The following SGCZ variants were observed in gnomAD, a reference collection of about 807,000 sequenced individuals.
SGCZ encodes sarcoglycan zeta, also known as zeta-sarcoglycan.
Under a neutral mutation model 41.3 loss-of-function variants are expected in SGCZ, and 40 were observed. The ratio of observed to expected loss-of-function variants is 0.97; its 90% CI spans 0.75 to 1.26. The LOEUF (loss-of-function observed/expected upper bound fraction) is 1.26, where lower values mean the gene tolerates loss of function less well. SGCZ is among the 50% of genes most tolerant of loss of function. The pLI, the probability that SGCZ is intolerant of heterozygous loss-of-function variation, is 0.00. For synonymous variants in SGCZ, 206 were observed against 137.5 expected, an observed-to-expected ratio of 1.50 and a Z score of -3.49; for missense variants, 552 against 369.8, an observed-to-expected ratio of 1.49 and a Z score of -4.04.
intron 1 of SGCZ, among the ~76,000 whole-genome samples, chr8:15,138,613 G>C (rs1219401495): frequency 6.6e-6 from 1 of 152,118 alleles, no homozygotes; most frequent in Non-Finnish European, 1.5e-5. Context: ...ATAAGTGTCT[G>C]GCATTTCCCT....
chr8:14,693,808 C>A (rs562708975), intron 1 of SGCZ, among the ~76,000 whole-genome samples: 30 of 151,654 alleles, frequency 2.0e-4, no homozygotes, highest in Non-Finnish European at 3.8e-4. Flanking sequence ...GCCAGGCTGA[C>A]CTCAAACTCC....
At chr8:14,677,916 A>G (rs2117530844) in intron 1 of SGCZ, among the ~76,000 whole-genome samples, 1 of 152,366 alleles carries the variant, frequency 6.6e-6, no homozygotes, top group Admixed American at 6.5e-5. Flanking sequence ...CTATAAAGCT[A>G]TGGAAATCAA....
Position 14,266,155 on chromosome 8 carries a change from AAGTCTG to A in SGCZ, c.337-28482_337-28477del, listed in dbSNP as rs780919795. Among the ~76,000 whole-genome samples the A allele has an allele frequency of 4.8e-4, 73 of 152,226 alleles. 1 individual carries two copies. The highest frequency in any genetic ancestry group is 8.2e-4 in the Non-Finnish European group (56 of 67,982). On this transcript the variant is annotated intron_variant, in intron 3 of 7. Coordinates refer to ENST00000382080, the MANE Select transcript of SGCZ (RefSeq NM_139167.4). ...ATGACCAAACAGACTCAATCCCAAT[AAGTCTG>A]TCTTAAGAGATATCATAATCAAACT...
At chr8:15,072,659 T>A (rs1171020833) in intron 1 of SGCZ, among the ~76,000 whole-genome samples, 3 of 152,102 alleles carry the variant, frequency 2.0e-5, no homozygotes, top group South Asian at 2.1e-4. Context: ...AAGGTCAAGA[T>A]TAAGTAAGGA....
intron 1 of SGCZ, among the ~76,000 whole-genome samples, chr8:15,101,912 G>A (rs7003571): frequency 0.52 from 79,766 of 151,996 alleles, 22,477 homozygotes; most frequent in Admixed American, 0.65. Flanking sequence ...GCAACAGAGC[G>A]AGACTGTCTA....
chr8:14,791,507 C>G (rs1339017806), intron 1 of SGCZ, among the ~76,000 whole-genome samples: 1 of 152,078 alleles, frequency 6.6e-6, no homozygotes, highest in African/African-American at 2.4e-5. Flanking sequence ...AATCCACATC[C>G]CCTGTAGTTA....
chr8:14,092,017 G>T (rs1481858833), intron 7 of SGCZ, among the ~76,000 whole-genome samples: 1 of 152,074 alleles, frequency 6.6e-6, no homozygotes, highest in Non-Finnish European at 1.5e-5. Flanking sequence ...AAGGGATCCA[G>T]GTTCAGCTTT....
intron 1 of SGCZ, among the ~76,000 whole-genome samples, chr8:14,658,900 T>A: frequency 6.7e-6 from 1 of 148,398 alleles, no homozygotes; most frequent in African/African-American, 2.5e-5. Flanking sequence ...AAGAAAAAAA[T>A]GAGGAAAGGA....
At position 14,290,919 on chromosome 8, in the gene SGCZ, G is replaced by A. The variant is rs562044681; in HGVS notation, c.336+33184C>T. ...TTATATAGTAACAGTATTCACCATA[G>A]CTAAAATATGGAATCACCCTAAAAA... On this transcript the variant is annotated intron_variant, in intron 3 of 7. Transcript: ENST00000382080. Among the ~76,000 whole-genome samples the A allele has an allele frequency of 7.9e-5, 12 of 152,232 alleles. No homozygotes were observed. The East Asian group carries it at 2.3e-3, about 29-fold the overall frequency.
intron 2 of SGCZ, among the ~76,000 whole-genome samples, chr8:14,534,149 A>C (rs1017194052): frequency 6.6e-6 from 1 of 151,990 alleles, no homozygotes; most frequent in South Asian, 2.1e-4. Flanking sequence ...CTGGAGCTGA[A>C]GTGTTGAGGC....
At chr8:14,177,958 C>CTTTTCTTTTTTTTTCTTTT (rs767919994) in intron 4 of SGCZ, among the ~76,000 whole-genome samples, 7 of 95,054 alleles carry the variant, frequency 7.4e-5, no homozygotes, top group East Asian at 5.5e-4. Flanking sequence ...CTTTTTTTTT[C>CTTTTCTTTTTTTTTCTTTT]TTTTTTTTTT....
intron 3 of SGCZ, among the ~76,000 whole-genome samples, chr8:14,250,444 T>C (rs751664770): frequency 2.0e-5 from 3 of 152,102 alleles, no homozygotes; most frequent in Non-Finnish European, 4.4e-5. Context: ...TACACAGGCA[T>C]AACCATACCT....
chr8:14,242,471 A>C (rs1217338831), intron 3 of SGCZ, among the ~76,000 whole-genome samples: 1 of 152,158 alleles, frequency 6.6e-6, no homozygotes, highest in East Asian at 1.9e-4. Context: ...CTGACTTCCA[A>C]GTTACTCCAC....
intron 1 of SGCZ, among the ~76,000 whole-genome samples, chr8:15,015,729 G>A (rs1223106102): frequency 2.3e-3 from 9 of 3,854 alleles, no homozygotes; most frequent in Admixed American, 0.017. Context: ...ATATACACGT[G>A]TGTGTGTGTG....
chr8:14,730,316 G>T (rs1810195277), intron 1 of SGCZ, among the ~76,000 whole-genome samples: 1 of 152,052 alleles, frequency 6.6e-6, no homozygotes. Context: ...GAACATTTAT[G>T]GTGATATTAT....
At chr8:14,673,795 T>C (rs548734663) in intron 1 of SGCZ, among the ~76,000 whole-genome samples, 147 of 152,304 alleles carry the variant, frequency 9.7e-4, no homozygotes, top group South Asian at 7.5e-3. Context: ...TGATGCCCGA[T>C]GTAGATGCTA....
intron 2 of SGCZ, among the ~76,000 whole-genome samples, chr8:14,342,447 C>G (rs952805460): frequency 6.6e-6 from 1 of 152,118 alleles, no homozygotes; most frequent in Non-Finnish European, 1.5e-5. Context: ...CTCCCAGTAG[C>G]TGGGACTACA....
chr8:14,865,603 C>A (rs116728008), intron 1 of SGCZ, among the ~76,000 whole-genome samples: 2,081 of 152,200 alleles, frequency 0.014, 25 homozygotes, highest in African/African-American at 0.035. Context: ...AACCCATGAA[C>A]CCAGCAAGCA....
At chr8:14,788,920 G>A (rs1800860446) in intron 1 of SGCZ, among the ~76,000 whole-genome samples, 1 of 151,976 alleles carries the variant, frequency 6.6e-6, no homozygotes, top group African/African-American at 2.4e-5. Flanking sequence ...ACACCAGCCT[G>A]GGCAATATAG....
Sources: allele counts gnomAD v4.1 joint callset (sites outside exome capture counted in the v4.1 genomes callset), GRCh38; gene constraint gnomAD v4.1.1; transcripts MANE v1.5; gene names NCBI Gene and HGNC (gene_info 2026-07-23, HGNC 2026-07-21).